HPRT1: variants seen among roughly 807,000 people sequenced by gnomAD.
The protein encoded by HPRT1 is hypoxanthine-guanine phosphoribosyltransferase.
In HPRT1, 4 loss-of-function variants were observed where a neutral mutation model predicts 19.0. That is an observed-to-expected ratio of 0.21 (90% CI 0.10 to 0.48). The LOEUF (loss-of-function observed/expected upper bound fraction) is 0.48, where lower values mean the gene tolerates loss of function less well. HPRT1 is among the 20% of genes least tolerant of loss of function. The probability of loss-of-function intolerance (pLI) is 0.98; values close to 1 mark genes in which losing one functional copy is unlikely to be tolerated. For synonymous variants in HPRT1, 53 were observed against 54.9 expected, an observed-to-expected ratio of 0.97 and a Z score of 0.15; for missense variants, 65 against 164.0, an observed-to-expected ratio of 0.40 and a Z score of 3.30.
intron 2 of HPRT1, among the ~76,000 whole-genome samples, chrX:134,473,978 A>G (rs1443721377): frequency 8.9e-6 from 1 of 112,398 alleles, no homozygotes; most frequent in Non-Finnish European, 1.9e-5. Context: ...CAAGAAGACT[A>G]AAGTTCTCTC....
chrX:134,477,525 T>G (rs2077629000), intron 3 of HPRT1, among the ~76,000 whole-genome samples: 1 of 111,194 alleles, frequency 9.0e-6, no homozygotes, highest in Non-Finnish European at 1.9e-5. Context: ...TCTGATAATA[T>G]CTCTTGATTT....
chrX:134,494,688 A>G (rs926119047), intron 6 of HPRT1, among the ~76,000 whole-genome samples: 1 of 112,407 alleles, frequency 8.9e-6, no homozygotes, highest in African/African-American at 3.2e-5. Context: ...ATAGAAACTA[A>G]TCAGTGCACT....
At chrX:134,489,318 G>A (rs1182195982) in intron 4 of HPRT1, among the ~76,000 whole-genome samples, 5 of 111,558 alleles carry the variant, frequency 4.5e-5, no homozygotes, top group African/African-American at 1.6e-4. Context: ...ATTAAACAAG[G>A]TGAGGTAAAA....
Position 134,475,283 on chromosome X carries a change from G to A in HPRT1, c.237G>A (p.Leu79=). Residue 79 remains leucine, a synonymous_variant, in exon 3 of 9, where the codon CTG becomes CTA. Transcript: ENST00000298556. The part of the protein sequence containing the change: ...KGGYKFFADL[L]DYIKALNRNS... ...GCTATAAATTCTTTGCTGACCTGCTGGATTACATCAAAGCACTGAATAGAA... is the reference window on the plus strand; with the variant it reads ...GCTATAAATTCTTTGCTGACCTGCTAGATTACATCAAAGCACTGAATAGAA... The A allele has an allele frequency of 5.0e-6, 6 of 1,197,097 alleles. No homozygotes were observed. Among genetic ancestry groups the A allele is most frequent in the Non-Finnish European group, 6.8e-6 (6 of 882,364 alleles).
intron 3 of HPRT1, among the ~76,000 whole-genome samples, chrX:134,477,425 T>G (rs1052722666): frequency 1.8e-5 from 2 of 111,086 alleles, no homozygotes; most frequent in Non-Finnish European, 3.8e-5. Flanking sequence ...TAATCACATG[T>G]TTTAACTATA....
intron 1 of HPRT1, among the ~76,000 whole-genome samples, chrX:134,465,077 C>T (rs111549661): frequency 3.6e-5 from 4 of 110,325 alleles, no homozygotes; most frequent in East Asian, 2.8e-4. Context: ...CCCGCCACCA[C>T]GCCCAGCTAA....
At chrX:134,486,055 C>G (rs892979598) in intron 3 of HPRT1, among the ~76,000 whole-genome samples, 1 of 111,381 alleles carries the variant, frequency 9.0e-6, no homozygotes, top group Admixed American at 9.6e-5. Context: ...TTGCTTGACT[C>G]ATGGGAATCG....
chrX:134,486,651 C>G (rs192560647), intron 4 of HPRT1, 121 bp downstream of exon 4: 42 of 503,073 alleles, frequency 8.3e-5, no homozygotes. Flanking sequence ...TTATTTAACC[C>G]TTGGAAGCAG....
intron 3 of HPRT1, among the ~76,000 whole-genome samples, chrX:134,481,077 C>T (rs1416704553): frequency 1.8e-5 from 2 of 109,520 alleles, no homozygotes; most frequent in Admixed American, 2.0e-4. Context: ...TAACGTATCC[C>T]TCAACTCACA....
At chrX:134,477,505 A>T (rs2124292957) in intron 3 of HPRT1, among the ~76,000 whole-genome samples, 1 of 111,573 alleles carries the variant, frequency 9.0e-6, no homozygotes, top group East Asian at 2.8e-4. Context: ...GTAGAAATTG[A>T]GAAAGCTCTT....
chrX:134,494,340 A>G (rs17882363), intron 6 of HPRT1, among the ~76,000 whole-genome samples: 63 of 112,598 alleles, frequency 5.6e-4, no homozygotes, highest in Non-Finnish European at 7.9e-4. Flanking sequence ...CATTAAAAAC[A>G]TTAAGTCTCT....
chrX:134,462,202 T>G (rs17879389), intron 1 of HPRT1, among the ~76,000 whole-genome samples: 1 of 110,959 alleles, frequency 9.0e-6, no homozygotes, highest in African/African-American at 3.3e-5. Context: ...TTTTTTGAGA[T>G]GGAGTTTCGC....
chrX:134,468,014 G>A (rs1455563075), intron 1 of HPRT1, among the ~76,000 whole-genome samples: 4 of 107,856 alleles, frequency 3.7e-5, no homozygotes, highest in African/African-American at 6.7e-5. Flanking sequence ...GTTTTACCAC[G>A]TTGGCCAGGC....
At chrX:134,493,793 A>G (rs55742983) in intron 6 of HPRT1, among the ~76,000 whole-genome samples, 1 of 112,097 alleles carries the variant, frequency 8.9e-6, no homozygotes, top group African/African-American at 3.2e-5. Flanking sequence ...TCCTTGCCTA[A>G]TATTAACATT....
intron 1 of HPRT1, among the ~76,000 whole-genome samples, chrX:134,472,023 G>C (rs1017209392): frequency 9.0e-6 from 1 of 111,363 alleles, no homozygotes; most frequent in Non-Finnish European, 1.9e-5. Context: ...ACGCTGGAGT[G>C]CTGTGGTATG....
chrX:134,490,039 C>T, intron 4 of HPRT1, 149 bp from the exon 5 acceptor site: 1 of 289,491 alleles, frequency 3.5e-6, no homozygotes. Flanking sequence ...AGCAGATGGG[C>T]CACTTGTTTA....
chrX:134,462,765 A>T (rs2077588090), intron 1 of HPRT1, among the ~76,000 whole-genome samples: 2 of 112,319 alleles, frequency 1.8e-5, no homozygotes, highest in Non-Finnish European at 1.9e-5. Flanking sequence ...TTTTTAAAAA[A>T]TTTCTTTCCC....
Position 134,474,454 on chromosome X carries a change from G to T in HPRT1, c.135-727G>T, listed in dbSNP as rs1169298902. Among the ~76,000 whole-genome samples the T allele has an allele frequency of 7.4e-5, 7 of 94,462 alleles. No individual in the cohort carries two copies. The Admixed American group carries it at 8.9e-4, about 12-fold the overall frequency. 82.0% of individuals were successfully genotyped at this position (94,462 alleles called of 115,157 possible). ...TTTTTTTTGAGACAAGGTCTCTGTT[G>T]CCCAGGCTGGGGTGCAGTGCAGCAG... On this transcript the variant is annotated intron_variant, in intron 2 of 8. Coordinates refer to ENST00000298556, the MANE Select transcript of HPRT1 (RefSeq NM_000194.3).
intron 3 of HPRT1, among the ~76,000 whole-genome samples, chrX:134,480,275 C>G (rs1021260425): frequency 1.4e-4 from 15 of 110,988 alleles, no homozygotes; most frequent in African/African-American, 4.9e-4. Context: ...CTCAGAGTCA[C>G]TCTTATTTGG....
Sources: allele counts gnomAD v4.1 joint callset (sites outside exome capture counted in the v4.1 genomes callset), GRCh38; gene constraint gnomAD v4.1.1; transcripts MANE v1.5; gene names NCBI Gene and HGNC (gene_info 2026-07-23, HGNC 2026-07-21).